Variants in CEMIP2 observed in about 807,000 individuals in gnomAD.
CEMIP2 encodes the protein cell surface hyaluronidase CEMIP2.
A neutral mutation model predicts 146.9 loss-of-function variants in CEMIP2; 79 were observed. The ratio of observed to expected loss-of-function variants is 0.54; its 90% CI spans 0.45 to 0.65. CEMIP2 has a LOEUF of 0.65. CEMIP2 is among the 30% of genes least tolerant of loss of function. CEMIP2 has a pLI of 0.00. For missense variants in CEMIP2, 1,596 were observed against 1,696.2 expected, an observed-to-expected ratio of 0.94 and a Z score of 1.04; for synonymous variants, 601 against 606.3, an observed-to-expected ratio of 0.99 and a Z score of 0.13.
chr9:71,698,118 T>C lies in CEMIP2; in HGVS notation c.3464A>G (p.Gln1155Arg). 6.2e-7 allele frequency: 1 copy of C among 1,614,182 alleles called. No individual in the cohort carries two copies. Among genetic ancestry groups the C allele is most frequent in the Non-Finnish European group, 8.5e-7 (1 of 1,180,032 alleles). Residue 1155 changes from glutamine to arginine, a missense_variant, in exon 20 of 24, where the codon CAA (glutamine) becomes CGA (arginine). By Grantham distance (43) the Gln-to-Arg change is conservative. Coordinates refer to ENST00000377044, the MANE Select transcript of CEMIP2 (RefSeq NM_013390.3). ...SSQGCERVKIQAATDSKDISN... is the reference protein window; with the variant it reads ...SSQGCERVKIRAATDSKDISN... Reference sequence around the variant, plus strand: ...GATGTCCTTTGAGTCTGTGGCTGCTTGGATCTTGACTCTTTCACATCCCTG... The same window carrying C: ...GATGTCCTTTGAGTCTGTGGCTGCTCGGATCTTGACTCTTTCACATCCCTG...
intron 16 of CEMIP2, among the ~76,000 whole-genome samples, chr9:71,710,533 T>C (rs1477759909): frequency 6.6e-6 from 1 of 152,198 alleles, no homozygotes; most frequent in Non-Finnish European, 1.5e-5. Context: ...TTTTATAAGC[T>C]TCAGAGCATC....
chr9:71,728,380 G>T (rs1369557289), intron 10 of CEMIP2, among the ~76,000 whole-genome samples: 2 of 140,194 alleles, frequency 1.4e-5, no homozygotes, highest in Non-Finnish European at 3.1e-5. Context: ...TACTCAGAAG[G>T]CTGAGGTGGG....
In CEMIP2 at chr9:71,700,835, G is replaced by A. The variant is rs1182821551; in HGVS notation, c.3195-11C>T. Reference sequence around the variant, plus strand: ...CGAATCCAGTCATTCCTTTAAAGGAGAAACATAAAAAAATTAGTTTACACT... The same window carrying A: ...CGAATCCAGTCATTCCTTTAAAGGAAAAACATAAAAAAATTAGTTTACACT... On this transcript the variant is annotated splice_polypyrimidine_tract_variant and intron_variant, in intron 18 of 23. Transcript: ENST00000377044. 6.3e-7 allele frequency: 1 copy of A among 1,593,946 alleles called. No homozygotes were observed. Among genetic ancestry groups the A allele is most frequent in the Non-Finnish European group, 8.5e-7 (1 of 1,173,152 alleles).
At chr9:71,733,466 GT>G (rs926851482) in intron 6 of CEMIP2, among the ~76,000 whole-genome samples, 5 of 152,094 alleles carry the variant, frequency 3.3e-5, no homozygotes, top group African/African-American at 1.2e-4. Context: ...TTCTTGTTTT[GT>G]TTATGCCCTG....
intron 16 of CEMIP2, among the ~76,000 whole-genome samples, chr9:71,709,723 G>A (rs534477242): frequency 1.3e-5 from 2 of 152,268 alleles, no homozygotes; most frequent in East Asian, 1.9e-4. Flanking sequence ...AAACTTCATC[G>A]TTATTTGTAT....
intron 10 of CEMIP2, among the ~76,000 whole-genome samples, chr9:71,728,764 C>T (rs1340212443): frequency 6.6e-6 from 1 of 151,700 alleles, no homozygotes; most frequent in South Asian, 2.1e-4. Flanking sequence ...TGGTATTCTC[C>T]AAAATAATCC....
chr9:71,701,412 A>G (rs1281400410), intron 18 of CEMIP2, among the ~76,000 whole-genome samples: 1 of 152,160 alleles, frequency 6.6e-6, no homozygotes, highest in African/African-American at 2.4e-5. Flanking sequence ...AGCCCTAAAA[A>G]TTCTTAGTTT....
At chr9:71,706,354 G>A (rs912429434) in intron 17 of CEMIP2, among the ~76,000 whole-genome samples, 1 of 151,588 alleles carries the variant, frequency 6.6e-6, no homozygotes, top group Admixed American at 6.6e-5. Flanking sequence ...TCATTTCTAA[G>A]TAACAACAAA....
rs111489783 is a variant in CEMIP2 at position 71,746,392 on chromosome 9, T to G, written c.332-51A>C. On this transcript the variant is annotated intron_variant, in intron 2 of 23. Coordinates refer to ENST00000377044, the MANE Select transcript of CEMIP2 (RefSeq NM_013390.3). The stretch of plus-strand genomic sequence containing the variant: ...AACCCATTAAAATGCAGGAATAATA[T>G]AGCCGAATCTAAGCACTACCATTAT... 1,194 of 1,601,626 alleles carry G rather than the reference T, an allele frequency of 7.5e-4. 7 individuals carry two copies. In the African/African-American group the frequency reaches 0.014, roughly 19 times the overall value.
At chr9:71,722,375 T>G in intron 12 of CEMIP2, 52 bp downstream of exon 12, 3 of 1,411,036 alleles carry the variant, frequency 2.1e-6, no homozygotes, top group Non-Finnish European at 2.9e-6. Flanking sequence ...AGTTAGAAAG[T>G]TTTGCTTTGG....
rs117807725 is a variant in CEMIP2 at position 71,698,731 on chromosome 9, G to T, written c.3378-527C>A. Among the ~76,000 whole-genome samples, 730 of 152,230 alleles carry T rather than the reference G, an allele frequency of 4.8e-3. 3 individuals are homozygous for T. Among genetic ancestry groups the T allele is most frequent in the Non-Finnish European group, 7.7e-3 (525 of 68,014 alleles). On this transcript the variant is annotated intron_variant, in intron 19 of 23. Transcript: ENST00000377044. ...AGAGCAGATGGACCTGGGTTCCTTC[G>T]GTCTATATTAGGGCCAAAACCAGGC...
rs932769385 is a variant in CEMIP2, at chr9:71,744,911, C to T, written c.1034+107G>A. On this transcript the variant is annotated intron_variant, in intron 4 of 23. Coordinates refer to ENST00000377044, the MANE Select transcript of CEMIP2 (RefSeq NM_013390.3). ...CAGACATGCAAATGGTAGAGTGGCC[C>T]TTCTGATGCCTGAGTCATGCTGTGG... is the stretch of plus-strand genomic sequence containing the variant. The T allele has an allele frequency of 4.8e-6, 6 of 1,237,366 alleles. No individual in the cohort carries two copies. The African/African-American group carries it at 6.0e-5, about 12-fold the overall frequency. 76.6% of individuals were successfully genotyped at this position (1,237,366 alleles called of 1,614,324 possible). A position where few individuals can be genotyped will look rare whatever the true frequency, so the allele number is the denominator to read the frequency against.
intron 1 of CEMIP2, among the ~76,000 whole-genome samples, chr9:71,759,831 G>A (rs75379743): frequency 3.4e-5 from 5 of 147,216 alleles, no homozygotes; most frequent in Non-Finnish European, 6.0e-5. Context: ...GGGGAGGTGG[G>A]GGGGGGATGG....
chr9:71,766,071 T>TC (rs972729112), intron 1 of CEMIP2, among the ~76,000 whole-genome samples: 4 of 149,220 alleles, frequency 2.7e-5, no homozygotes, highest in African/African-American at 9.9e-5. Context: ...TTCTTTTTTT[T>TC]CTTTTTTTTT....
Position 71,750,056 on chromosome 9 carries a change from T to G in CEMIP2, c.318A>C (p.Lys106Asn), listed in dbSNP as rs200085784. 28 of 1,603,136 alleles carry G rather than the reference T, an allele frequency of 1.7e-5. No homozygotes were observed. Among genetic ancestry groups the G allele is most frequent in the Non-Finnish European group, 2.2e-5 (26 of 1,174,258 alleles). ...ACACACACTTACCATCTGGAGCATATTTTGAGGATATTCCTAAAATGATTG... is the reference window on the plus strand; with the variant it reads ...ACACACACTTACCATCTGGAGCATAGTTTGAGGATATTCCTAAAATGATTG... ...ALAIILGISS[K>N]YAPDENCPDQ... The change falls in exon 2 of 24, where the codon AAA (lysine) becomes AAC (asparagine). Residue 106 changes from lysine to asparagine, a missense_variant. Lys to Asn is a moderately conservative substitution (Grantham distance 94). Coordinates refer to ENST00000377044, the MANE Select transcript of CEMIP2 (RefSeq NM_013390.3).
chr9:71,755,981 A>AC (rs1824427773), intron 1 of CEMIP2, among the ~76,000 whole-genome samples: 1 of 149,302 alleles, frequency 6.7e-6, no homozygotes, highest in African/African-American at 2.5e-5. Flanking sequence ...AAAAAAAAAA[A>AC]AAAAAAAAAC....
At chr9:71,687,638 G>C (rs1222697702) in intron 22 of CEMIP2, among the ~76,000 whole-genome samples, 1 of 151,694 alleles carries the variant, frequency 6.6e-6, no homozygotes, top group Non-Finnish European at 1.5e-5. Flanking sequence ...AGACCAGCCT[G>C]GGAAACACAG....
At chr9:71,732,594 C>A in intron 6 of CEMIP2, 74 bp from the exon 7 acceptor site, 1 of 1,354,136 alleles carries the variant, frequency 7.4e-7, no homozygotes, top group South Asian at 1.8e-5. Flanking sequence ...AAAAGACATT[C>A]TCTTCATTCC....
chr9:71,709,681 C>T lies in CEMIP2; in HGVS notation c.2770-207G>A, dbSNP rs572000253. Among the ~76,000 whole-genome samples the T allele has an allele frequency of 1.6e-4, 24 of 152,274 alleles. No individual in the cohort carries two copies. In the South Asian group the frequency reaches 5.0e-3, roughly 32 times the overall value. ...CATGCTGGGGTTGGGGGGAATTTCC[C>T]AAAACCTTATGGTGTTTAATGGGCA... On this transcript the variant is annotated intron_variant, in intron 16 of 23. Transcript: ENST00000377044.
Sources: gnomAD v4.1 joint callset for allele counts (sites outside exome capture counted in the v4.1 genomes callset) on GRCh38, gnomAD v4.1.1 for gene constraint, MANE v1.5 for transcripts, NCBI Gene and HGNC (gene_info 2026-07-23, HGNC 2026-07-21) for gene names.